The following AGBL1 variants were observed in gnomAD, a reference collection of about 807,000 sequenced individuals.
AGBL1 encodes cytosolic carboxypeptidase 4.
In AGBL1, 130 loss-of-function variants were observed where a neutral mutation model predicts 118.9. That is an observed-to-expected ratio of 1.09 (90% CI 0.95 to 1.26). The LOEUF is 1.26. Ranked by LOEUF, AGBL1 falls within the 50% of genes most tolerant of loss-of-function variation. The pLI is 0.00. For missense variants in AGBL1, 1,584 were observed against 1,298.1 expected (o/e 1.22, Z -3.38); for synonymous variants, 555 against 478.9 (o/e 1.16, Z -2.08).
intron 18 of AGBL1, among the ~76,000 whole-genome samples, chr15:86,508,511 A>G (rs996281242): frequency 1.3e-5 from 2 of 152,154 alleles, no homozygotes; most frequent in Admixed American, 6.6e-5. Context: ...ATGACTATGA[A>G]CAGTTACATA....
intron 19 of AGBL1, among the ~76,000 whole-genome samples, chr15:86,524,151 G>T (rs1354861891): frequency 6.6e-6 from 1 of 152,144 alleles, no homozygotes; most frequent in Non-Finnish European, 1.5e-5. Flanking sequence ...CAAGTAAACT[G>T]ATTTCAATGA....
intron 24 of AGBL1, among the ~76,000 whole-genome samples, chr15:87,020,387 C>A (rs2081652754): frequency 6.6e-6 from 1 of 152,070 alleles, no homozygotes; most frequent in South Asian, 2.1e-4. Flanking sequence ...CAACCCACAG[C>A]CAATATCACA....
intron 21 of AGBL1, among the ~76,000 whole-genome samples, chr15:86,641,663 T>C (rs2085193351): frequency 1.3e-5 from 2 of 152,272 alleles, no homozygotes; most frequent in East Asian, 1.9e-4. Context: ...ATGCCTGTAA[T>C]CCTAGCATTT....
intron 18 of AGBL1, among the ~76,000 whole-genome samples, chr15:86,468,418 C>T (rs2082434611): frequency 6.6e-6 from 1 of 152,150 alleles, no homozygotes; most frequent in South Asian, 2.1e-4. Context: ...GTTTCCCAGA[C>T]CGCACTGCTG....
At chr15:86,373,338 T>A (rs2141947378) in intron 17 of AGBL1, among the ~76,000 whole-genome samples, 1 of 152,326 alleles carries the variant, frequency 6.6e-6, no homozygotes, top group South Asian at 2.1e-4. Flanking sequence ...AGCTCTGCTC[T>A]CATGGGCAGA....
chr15:86,873,951 C>A (rs1457389107), intron 22 of AGBL1, among the ~76,000 whole-genome samples: 2 of 152,094 alleles, frequency 1.3e-5, no homozygotes, highest in African/African-American at 2.4e-5. Flanking sequence ...GGAGGCAAGA[C>A]CTAGGTTCAA....
intron 6 of AGBL1, among the ~76,000 whole-genome samples, chr15:86,241,094 A>G (rs2078634532): frequency 6.6e-6 from 1 of 152,174 alleles, no homozygotes; most frequent in Non-Finnish European, 1.5e-5. Flanking sequence ...AGCATGCGTA[A>G]AGAGGAGTGT....
At position 86,827,780 on chromosome 15, in the gene AGBL1, T is replaced by C. The variant is rs182324709; in HGVS notation, c.3159-79307T>C. On this transcript the variant is annotated intron_variant, in intron 22 of 22. Transcript: ENST00000614907. The stretch of plus-strand genomic sequence containing the variant: ...TGTAGGAGTAGTGGTCCTCTTCCTT[T>C]CTCCCATCAATATGTCTAGATCCTG... Among the ~76,000 whole-genome samples the C allele has an allele frequency of 4.0e-5, 6 of 148,356 alleles. No individual in the cohort carries two copies. The Admixed American group carries it at 4.1e-4, about 10-fold the overall frequency.
chr15:86,215,423 C>T (rs2078172258), intron 5 of AGBL1, among the ~76,000 whole-genome samples: 1 of 152,138 alleles, frequency 6.6e-6, no homozygotes, highest in East Asian at 1.9e-4. Context: ...TCTTTTTCCG[C>T]TGCAACAACC....
chr15:86,967,804 T>C (rs2081069780), intron 23 of AGBL1, among the ~76,000 whole-genome samples: 1 of 152,132 alleles, frequency 6.6e-6, no homozygotes, highest in African/African-American at 2.4e-5. Flanking sequence ...GACTTGACAA[T>C]GTGGGCTCTT....
chr15:86,664,349 G>A (rs923866324), intron 21 of AGBL1, among the ~76,000 whole-genome samples: 2 of 152,152 alleles, frequency 1.3e-5, no homozygotes, highest in African/African-American at 4.8e-5. Flanking sequence ...TTTCTTCTCT[G>A]CTACCTATTA....
chr15:86,990,034 C>T (rs1418287728), intron 24 of AGBL1, among the ~76,000 whole-genome samples: 1 of 152,122 alleles, frequency 6.6e-6, no homozygotes, highest in Admixed American at 6.5e-5. Context: ...GGGGCCATGG[C>T]CAGAACTTTG....
At chr15:86,201,875 A>T (rs2077912592) in intron 5 of AGBL1, among the ~76,000 whole-genome samples, 1 of 152,210 alleles carries the variant, frequency 6.6e-6, no homozygotes, top group South Asian at 2.1e-4. Flanking sequence ...AAGGGCCTTT[A>T]TAGGCAACTC....
At chr15:86,142,554 A>G (rs554926021) in intron 2 of AGBL1, among the ~76,000 whole-genome samples, 34 of 152,232 alleles carry the variant, frequency 2.2e-4, no homozygotes, top group Non-Finnish European at 4.0e-4. Flanking sequence ...ATTTTTGAAC[A>G]TTCCAACATT....
chr15:86,420,761 A>T (rs1258411038), intron 18 of AGBL1, among the ~76,000 whole-genome samples: 1 of 152,210 alleles, frequency 6.6e-6, no homozygotes, highest in African/African-American at 2.4e-5. Context: ...AGAGAAGAAT[A>T]TAAATGACCT....
At chr15:86,579,519 G>A (rs756520383) in intron 21 of AGBL1, among the ~76,000 whole-genome samples, 1 of 152,162 alleles carries the variant, frequency 6.6e-6, no homozygotes, top group Non-Finnish European at 1.5e-5. Flanking sequence ...TGAGAAAAAT[G>A]TGTTCCATGC....
chr15:86,325,851 A>G (rs747865717), intron 17 of AGBL1, among the ~76,000 whole-genome samples: 2 of 152,138 alleles, frequency 1.3e-5, no homozygotes, highest in Non-Finnish European at 2.9e-5. Context: ...GAAGGGGCAC[A>G]TGATAACTTC....
In AGBL1 at chr15:86,592,276, A is replaced by G. The variant is rs951367939; in HGVS notation, c.2994+37739A>G. 2.0e-5 allele frequency among the ~76,000 whole-genome samples: 3 copies of G among 152,368 alleles called. No individual in the cohort carries two copies. In the South Asian group the frequency reaches 6.2e-4, roughly 32 times the overall value. ...GCAGCGAATCCAACGGGTCTGCAGC[A>G]AACTCGATTCTTGCCTCCTCAGAAA... is the stretch of plus-strand genomic sequence containing the variant. On this transcript the variant is annotated intron_variant, in intron 21 of 22. Transcript: ENST00000614907.
intron 22 of AGBL1, among the ~76,000 whole-genome samples, chr15:86,851,545 T>G (rs1293293598): frequency 6.6e-6 from 1 of 152,220 alleles, no homozygotes; most frequent in African/African-American, 2.4e-5. Flanking sequence ...CAGAATTTCC[T>G]GAAAACATCT....
Sources: gnomAD v4.1 joint callset for allele counts (sites outside exome capture counted in the v4.1 genomes callset) on GRCh38, gnomAD v4.1.1 for gene constraint, MANE v1.5 for transcripts, NCBI Gene and HGNC (gene_info 2026-07-23, HGNC 2026-07-21) for gene names.